DISP1: variants seen among roughly 807,000 people sequenced by gnomAD.
DISP1 encodes protein dispatched homolog 1.
In DISP1, 30 loss-of-function variants were observed where a neutral mutation model predicts 37.3. The observed-to-expected ratio is 0.80, with a 90% confidence interval of 0.60 to 1.09. The LOEUF is 1.09. DISP1 is among the 50% of genes least tolerant of loss of function. The probability of loss-of-function intolerance (pLI) is 0.00; values close to 1 mark genes in which losing one functional copy is unlikely to be tolerated. For synonymous variants in DISP1, 634 were observed against 690.2 expected (o/e 0.92, Z 1.28); for missense variants, 1,598 against 1,879.5 (o/e 0.85, Z 2.77).
intron 3 of DISP1, among the ~76,000 whole-genome samples, chr1:222,968,868 G>A (rs934475696): frequency 3.3e-5 from 5 of 152,154 alleles, no homozygotes; most frequent in Admixed American, 6.5e-5. Flanking sequence ...GGGAGGCAGA[G>A]ATTGCAGTGA....
intron 3 of DISP1, among the ~76,000 whole-genome samples, chr1:222,975,185 C>T (rs1677223335): frequency 6.6e-6 from 1 of 152,028 alleles, no homozygotes; most frequent in African/African-American, 2.4e-5. Flanking sequence ...GCCACCACCC[C>T]AGCTAATTTT....
chr1:223,004,881 C>T lies in DISP1; in HGVS notation c.3484C>T (p.Pro1162Ser). The change falls in exon 9 of 9, where the codon CCC (proline) becomes TCC (serine). Residue 1162 changes from proline (P) to serine (S), a missense_variant. Transcript: ENST00000675850. The surrounding 1 kb of genome is among the most constrained non-coding windows in gnomAD (Gnocchi z 4.9). ...SAFSHALSTS[P>S]SDKGQSKTHT... ...CTTTTCCCATGCCTTGTCTACAAGT[C>T]CCAGTGACAAGGGACAAAGCAAAAC... The T allele has an allele frequency of 6.2e-7, 1 of 1,609,130 alleles. No homozygotes were observed. Among genetic ancestry groups the T allele is most frequent in the East Asian group, 2.2e-5 (1 of 44,870 alleles).
intron 1 of DISP1, among the ~76,000 whole-genome samples, chr1:222,825,209 GTCTT>G (rs1308929979): frequency 6.6e-6 from 1 of 152,074 alleles, no homozygotes; most frequent in African/African-American, 2.4e-5. Context: ...ATTCTTGAGA[GTCTT>G]TCTTTTTCAT....
rs577937611 is a variant in DISP1, at chr1:222,930,484, C to G, written c.-18+1914C>G. Among the ~76,000 whole-genome samples, 4 of 152,136 alleles carry G rather than the reference C, an allele frequency of 2.6e-5. No individual in the cohort carries two copies. The South Asian group carries it at 8.3e-4, about 31-fold the overall frequency. ...AGAAGGTGGTGGCTTTTTGTTCTCT[C>G]CATCTTAATTTCTATTCTCTTATTT... On this transcript the variant is annotated intron_variant, in intron 2 of 8. Transcript: ENST00000675850.
intron 1 of DISP1, among the ~76,000 whole-genome samples, chr1:222,842,358 C>A (rs905728064): frequency 6.6e-6 from 1 of 150,806 alleles, no homozygotes; most frequent in Non-Finnish European, 1.5e-5. Context: ...ATAGCCACAG[C>A]AGAAGGGTTA....
intron 1 of DISP1, among the ~76,000 whole-genome samples, chr1:222,924,883 G>T (rs759040173): frequency 2.6e-5 from 4 of 152,114 alleles, no homozygotes; most frequent in Non-Finnish European, 5.9e-5. Context: ...AAAGTACCAA[G>T]TGTTGTGCCT....
chr1:222,940,911 C>T (rs1376411862), intron 2 of DISP1, among the ~76,000 whole-genome samples: 2 of 152,130 alleles, frequency 1.3e-5, no homozygotes, highest in African/African-American at 4.8e-5. Flanking sequence ...GTGATTGTTT[C>T]CTACATTATC....
chr1:222,857,297 A>G (rs1000196247), intron 1 of DISP1, among the ~76,000 whole-genome samples: 2 of 152,124 alleles, frequency 1.3e-5, no homozygotes, highest in African/African-American at 4.8e-5. Flanking sequence ...AAACTGTGAT[A>G]TAGAATGAAG....
chr1:222,955,690 T>C (rs2102562637), intron 3 of DISP1, among the ~76,000 whole-genome samples: 2 of 152,302 alleles, frequency 1.3e-5, no homozygotes, highest in Middle Eastern at 3.4e-3. Context: ...AGTCGGGGAA[T>C]AACCTTTCTG....
chr1:222,864,443 T>A (rs1669061566), intron 1 of DISP1, among the ~76,000 whole-genome samples: 1 of 152,182 alleles, frequency 6.6e-6, no homozygotes, highest in Non-Finnish European at 1.5e-5. Flanking sequence ...TATATATTTT[T>A]GAACCACCTG....
intron 1 of DISP1, among the ~76,000 whole-genome samples, chr1:222,818,852 A>C (rs1479842567): frequency 6.6e-6 from 1 of 152,242 alleles, no homozygotes; most frequent in Non-Finnish European, 1.5e-5. Context: ...CTATAACCTA[A>C]CCATGTTGAC....
intron 1 of DISP1, among the ~76,000 whole-genome samples, chr1:222,919,151 T>C (rs970781879): frequency 7.2e-5 from 11 of 152,162 alleles, no homozygotes; most frequent in African/African-American, 2.4e-4. Context: ...CAGCCTGCAA[T>C]TGCCTTTCTT....
intron 1 of DISP1, chr1:222,899,731 A>T (rs1671477613): frequency 6.6e-6 from 1 of 152,152 alleles, no homozygotes; most frequent in African/African-American, 2.4e-5. Context: ...GTCGTGAGCT[A>T]CCACACCCAC....
At chr1:222,949,047 A>G (rs1305921972) in intron 3 of DISP1, among the ~76,000 whole-genome samples, 1 of 152,176 alleles carries the variant, frequency 6.6e-6, no homozygotes, top group East Asian at 1.9e-4. Context: ...GATTCATTAT[A>G]TCAACCATCT....
At chr1:222,913,783 C>T (rs937055938) in intron 1 of DISP1, among the ~76,000 whole-genome samples, 3 of 151,810 alleles carry the variant, frequency 2.0e-5, no homozygotes, top group South Asian at 2.1e-4. Flanking sequence ...AAATAGGAAC[C>T]TCTAAATAGT....
chr1:222,909,283 C>G (rs1242999455), intron 1 of DISP1, among the ~76,000 whole-genome samples: 1 of 152,078 alleles, frequency 6.6e-6, no homozygotes, highest in African/African-American at 2.4e-5. Context: ...TGATTTATAC[C>G]TATCAGCTCC....
At chr1:222,900,982 A>G (rs888428154) in intron 1 of DISP1, among the ~76,000 whole-genome samples, 3 of 152,226 alleles carry the variant, frequency 2.0e-5, no homozygotes, top group Non-Finnish European at 4.4e-5. Context: ...AGGGAAAATG[A>G]GAAAGATGAG....
intron 1 of DISP1, among the ~76,000 whole-genome samples, chr1:222,873,222 G>A (rs1669694862): frequency 6.6e-6 from 1 of 152,104 alleles, no homozygotes; most frequent in East Asian, 1.9e-4. Context: ...AATAGGTGTG[G>A]TGTGGTGCTG....
chr1:222,900,938 A>G (rs1671541085), intron 1 of DISP1, among the ~76,000 whole-genome samples: 1 of 152,228 alleles, frequency 6.6e-6, no homozygotes, highest in African/African-American at 2.4e-5. Context: ...AAATAAAAGC[A>G]TATTTGTATG....
Sources: allele counts gnomAD v4.1 joint callset (sites outside exome capture counted in the v4.1 genomes callset), GRCh38; gene constraint gnomAD v4.1.1; non-coding constraint Gnocchi (gnomAD v3.1); transcripts MANE v1.5; gene names NCBI Gene and HGNC (gene_info 2026-07-23, HGNC 2026-07-21).